Variants in HYCC1 observed in about 807,000 individuals in gnomAD.
HYCC1 encodes hyccin PI4KA lipid kinase complex subunit 1.
chr7:22,917,767 A>G, the HYCC1 span, among the ~76,000 whole-genome samples: 136,494 of 152,226 alleles, frequency 0.9, 61,422 homozygotes, highest in East Asian at 0.99. Context: ...ACCTCAAACC[A>G]CCACCCTTAA....
the HYCC1 span, among the ~76,000 whole-genome samples, chr7:22,953,435 T>C: frequency 1.3e-5 from 2 of 151,924 alleles, no homozygotes; most frequent in African/African-American, 2.4e-5. Context: ...TACAATAATT[T>C]ACGAACAAGT....
At chr7:22,959,291 G>A in the HYCC1 span, among the ~76,000 whole-genome samples, 59,418 of 151,916 alleles carry the variant, frequency 0.39, 11,611 homozygotes, top group East Asian at 0.5. Flanking sequence ...AATGGCAACT[G>A]TTCTCATCAC....
the HYCC1 span, among the ~76,000 whole-genome samples, chr7:22,993,329 GGC>G: frequency 6.6e-6 from 1 of 152,064 alleles, no homozygotes. Flanking sequence ...CATAATCTTA[GGC>G]TAGGCAAAGG....
the HYCC1 span, among the ~76,000 whole-genome samples, chr7:22,951,100 C>A: frequency 6.6e-6 from 1 of 151,548 alleles, no homozygotes; most frequent in Admixed American, 6.6e-5. Flanking sequence ...TAATTTTGCC[C>A]AAAAAAATTT....
the HYCC1 span, chr7:22,934,479 G>T: frequency 3.3e-5 from 5 of 152,050 alleles, no homozygotes; most frequent in South Asian, 2.1e-4. Flanking sequence ...TTCCATAATG[G>T]AAGAAGTAGC....
the HYCC1 span, among the ~76,000 whole-genome samples, chr7:22,992,621 TTC>T: frequency 6.6e-6 from 1 of 152,176 alleles, no homozygotes; most frequent in African/African-American, 2.4e-5. Context: ...TCATAACCAA[TTC>T]TCTTTGTCTT....
At chr7:22,960,046 A>G in the HYCC1 span, among the ~76,000 whole-genome samples, 1 of 152,200 alleles carries the variant, frequency 6.6e-6, no homozygotes, top group Non-Finnish European at 1.5e-5. Context: ...TGATTTTTAA[A>G]TACATTTTCA....
chr7:23,006,333 C>A, the HYCC1 span, among the ~76,000 whole-genome samples: 1 of 152,012 alleles, frequency 6.6e-6, no homozygotes, highest in African/African-American at 2.4e-5. Flanking sequence ...GTGGCACAAT[C>A]TTGGCTCACT....
chr7:23,006,620 A>C, the HYCC1 span, among the ~76,000 whole-genome samples: 8 of 152,290 alleles, frequency 5.3e-5, no homozygotes, highest in African/African-American at 1.9e-4. Context: ...AAGCCTATAC[A>C]TCACTCAACA....
chr7:22,976,137 C>A, the HYCC1 span: 1 of 935,492 alleles, frequency 1.1e-6, no homozygotes, highest in Non-Finnish European at 1.7e-6. Flanking sequence ...ACAAAAATAA[C>A]TTAGGTATGT....
chr7:22,898,690 C>A, the HYCC1 span, among the ~76,000 whole-genome samples: 146 of 151,340 alleles, frequency 9.6e-4, no homozygotes, highest in African/African-American at 3.4e-3. Flanking sequence ...GCAACCTCCA[C>A]CTCCCGGGTT....
the HYCC1 span, among the ~76,000 whole-genome samples, chr7:22,918,682 C>G: frequency 3.9e-5 from 6 of 152,124 alleles, no homozygotes; most frequent in Non-Finnish European, 8.8e-5. Context: ...CATTCCTTCT[C>G]CTGGACAATA....
the HYCC1 span, among the ~76,000 whole-genome samples, chr7:22,948,112 A>G: frequency 6.6e-6 from 1 of 152,124 alleles, no homozygotes; most frequent in Non-Finnish European, 1.5e-5. Context: ...TAAGAAAGGC[A>G]TAATGTTACA....
chr7:22,957,481 A>C, the HYCC1 span, among the ~76,000 whole-genome samples: 1 of 152,024 alleles, frequency 6.6e-6, no homozygotes, highest in Admixed American at 6.6e-5. Context: ...AGAAAAAAAG[A>C]AAAAAGGGCC....
the HYCC1 span, among the ~76,000 whole-genome samples, chr7:22,957,982 A>T: frequency 2.4e-4 from 36 of 151,590 alleles, no homozygotes; most frequent in South Asian, 6.2e-4. Flanking sequence ...CAATTAAATT[A>T]AAAAATCTAT....
At chr7:22,963,170 C>T in the HYCC1 span, among the ~76,000 whole-genome samples, 468 of 152,216 alleles carry the variant, frequency 3.1e-3, 3 homozygotes, top group African/African-American at 0.011. Context: ...TTACAAGGCA[C>T]ATGAAAAGCA....
chr7:22,901,119 G>C, the HYCC1 span, among the ~76,000 whole-genome samples: 3 of 150,178 alleles, frequency 2.0e-5, no homozygotes, highest in African/African-American at 7.4e-5. Flanking sequence ...TATTTGGAAG[G>C]CTGAGGTGGG....
At chr7:23,000,690 T>C in the HYCC1 span, among the ~76,000 whole-genome samples, 543 of 152,200 alleles carry the variant, frequency 3.6e-3, 9 homozygotes, top group Admixed American at 0.025. Flanking sequence ...CAAAGTGACA[T>C]GTTTTTGCCA....
chr7:22,949,441 T>A, the HYCC1 span, among the ~76,000 whole-genome samples: 4 of 152,182 alleles, frequency 2.6e-5, no homozygotes, highest in African/African-American at 9.6e-5. Flanking sequence ...TCCTCTGACA[T>A]CCCACAGTTA....
Sources: allele counts gnomAD v4.1 joint callset (sites outside exome capture counted in the v4.1 genomes callset), GRCh38; gene constraint gnomAD v4.1.1; transcripts MANE v1.5; gene names NCBI Gene and HGNC (gene_info 2026-07-23, HGNC 2026-07-21).